The following RRBP1 variants were observed in gnomAD, a reference collection of about 807,000 sequenced individuals.
RRBP1 encodes the protein ribosome binding protein 1, also known as ribosome-binding protein 1.
Under a neutral mutation model 165.2 loss-of-function variants are expected in RRBP1, and 94 were observed. That is an observed-to-expected ratio of 0.57 (90% CI 0.48 to 0.68). The LOEUF (loss-of-function observed/expected upper bound fraction) is 0.68. Among genes scored for constraint, RRBP1 ranks in the 30% least tolerant of loss-of-function variants. The pLI is 0.00. For synonymous variants in RRBP1, 680 were observed against 714.5 expected, an observed-to-expected ratio of 0.95 and a Z score of 0.77; for missense variants, 1,676 against 1,763.0, an observed-to-expected ratio of 0.95 and a Z score of 0.88.
intron 24 of RRBP1, 92 bp downstream of exon 24, chr20:17,614,645 G>A (rs532565543): frequency 5.0e-5 from 76 of 1,516,284 alleles, no homozygotes; most frequent in East Asian, 6.9e-5. Flanking sequence ...GCAGCTTGAC[G>A]ACTCCGCCCA....
At position 17,620,287 on chromosome 20, in the gene RRBP1, C is replaced by T. The variant is rs2035885890; in HGVS notation, c.3579+12G>A. The T allele has an allele frequency of 6.2e-7, 1 of 1,602,834 alleles. No homozygotes were observed. The highest frequency in any genetic ancestry group is 1.3e-5 in the African/African-American group (1 of 74,796). On this transcript the variant is annotated intron_variant, in intron 18 of 24. Coordinates refer to ENST00000377813, the MANE Select transcript of RRBP1 (RefSeq NM_001365613.2). The stretch of plus-strand genomic sequence containing the variant: ...GGGACAAGAGAAAGAGTTCTCTGAG[C>T]AGAGCACATACCTGGTCCGAACTTT...
chr20:17,618,816 C>T (rs2035852641), intron 19 of RRBP1, 137 bp from the exon 20 acceptor site: 1 of 687,212 alleles, frequency 1.5e-6, no homozygotes, highest in Non-Finnish European at 2.6e-6. Flanking sequence ...CAGCATCGGG[C>T]CGGCACAGGG....
chr20:17,679,384 C>CTGT (rs2122524208), intron 2 of RRBP1, among the ~76,000 whole-genome samples: 1 of 152,336 alleles, frequency 6.6e-6, no homozygotes, highest in African/African-American at 2.4e-5. Flanking sequence ...CATGCACAGA[C>CTGT]GGACAGCACA....
intron 22 of RRBP1, 116 bp downstream of exon 22, chr20:17,615,810 G>GCCCAGC: frequency 1.1e-6 from 1 of 929,458 alleles, no homozygotes. Context: ...GAAGGCCCAG[G>GCCCAGC]CCCAGCCCAG....
chr20:17,659,774 G>A lies in RRBP1; in HGVS notation c.734C>T (p.Thr245Ile). ...TTCTGCCTTTTTGCCTTGGTTTGGG[G>A]TTCCCTCTGCCTTTTTCCCTTGGTT... ...TPNQGKKAEG[T>I]PNQGKKAEGT... is the part of the protein sequence containing the mutation. Residue 245 changes from threonine (T) to isoleucine (I), a missense_variant, in exon 3 of 25, where the codon ACC (threonine) becomes ATC (isoleucine). Physicochemically the swap from Thr to Ile is moderately conservative, Grantham distance 89. Transcript: ENST00000377813. 1 of 1,550,500 alleles carries A rather than the reference G, an allele frequency of 6.4e-7. No individual in the cohort carries two copies. Among genetic ancestry groups the A allele is most frequent in the Non-Finnish European group, 8.7e-7 (1 of 1,146,942 alleles).
intron 3 of RRBP1, among the ~76,000 whole-genome samples, chr20:17,644,177 G>C (rs2036420665): frequency 6.6e-6 from 1 of 152,136 alleles, no homozygotes. Context: ...ACCTTAATGA[G>C]GGGAACGTGG....
At chr20:17,623,984 CCAAGCAG>C (rs1262542286) in intron 13 of RRBP1, among the ~76,000 whole-genome samples, 55 of 152,168 alleles carry the variant, frequency 3.6e-4, no homozygotes, top group Admixed American at 1.4e-3. Context: ...CTTCAGAGGC[CCAAGCAG>C]CAGGATTACC....
Position 17,661,858 on chromosome 20 carries a change from T to C in RRBP1, c.-21-1330A>G, listed in dbSNP as rs115193183. ...GATCCCCACTCCTCTTGAGTGGTTA[T>C]AGAGGAAGGAAACAGAGTAGGAATC... is the stretch of plus-strand genomic sequence containing the variant. On this transcript the variant is annotated intron_variant, in intron 2 of 24. Transcript: ENST00000377813. Among the ~76,000 whole-genome samples, 856 of 152,262 alleles carry C rather than the reference T, an allele frequency of 5.6e-3. 7 individuals carry two copies. Among genetic ancestry groups the C allele is most frequent in the African/African-American group, 0.019 (799 of 41,564 alleles).
At position 17,635,563 on chromosome 20, in the gene RRBP1, C is replaced by T. The variant is rs574071853; in HGVS notation, c.2439G>A (p.Thr813=). The change falls in exon 7 of 25, where the codon ACG becomes ACA. Residue 813 remains threonine (T), a synonymous_variant. Transcript: ENST00000377813. ...SILRDALNQA[T]SQVESKQNAE... ...CAGCTTACTTGCTCTCCACCTGGCTCGTGGCCTGGTTCAAGGCATCCCGCA... is the reference window on the plus strand; with the variant it reads ...CAGCTTACTTGCTCTCCACCTGGCTTGTGGCCTGGTTCAAGGCATCCCGCA... 9.3e-6 allele frequency: 15 copies of T among 1,611,578 alleles called. No homozygotes were observed. Among genetic ancestry groups the T allele is most frequent in the Middle Eastern group, 1.7e-4 (1 of 6,018 alleles).
chr20:17,626,524 G>C (rs1432145327), intron 11 of RRBP1, among the ~76,000 whole-genome samples: 2 of 152,232 alleles, frequency 1.3e-5, no homozygotes, highest in East Asian at 3.8e-4. Context: ...TGCTTCTTTG[G>C]TGACGAGGGT....
In RRBP1 at chr20:17,624,636, C is replaced by T. The variant is rs1299144496; in HGVS notation, c.3087G>A (p.Glu1029=). Residue 1029 remains glutamate, a synonymous_variant, in exon 13 of 25, where the codon GAG becomes GAA. Coordinates refer to ENST00000377813, the MANE Select transcript of RRBP1 (RefSeq NM_001365613.2). ...DLREKNWKAM[E]ALATAEQACK... is the part of the protein sequence containing the mutation. ...AGGCCTGCTCGGCCGTGGCCAGTGC[C>T]TCCATGGCCTTCCAGTTCTTCTCCC... 1.9e-6 allele frequency: 3 copies of T among 1,589,352 alleles called. No individual in the cohort carries two copies. The highest frequency in any genetic ancestry group is 1.3e-5 in the African/African-American group (1 of 74,702).
At chr20:17,648,157 C>A (rs947478579) in intron 3 of RRBP1, among the ~76,000 whole-genome samples, 1 of 152,218 alleles carries the variant, frequency 6.6e-6, no homozygotes. Flanking sequence ...AGGGTCCCAC[C>A]CCGAGGTGGG....
intron 3 of RRBP1, among the ~76,000 whole-genome samples, chr20:17,648,980 C>T (rs1244591568): frequency 6.6e-6 from 1 of 152,178 alleles, no homozygotes; most frequent in Non-Finnish European, 1.5e-5. Flanking sequence ...TGACCGGAGT[C>T]CCAGCCTCAA....
chr20:17,661,398 G>A (rs1245662176), intron 2 of RRBP1, among the ~76,000 whole-genome samples: 2 of 152,200 alleles, frequency 1.3e-5, no homozygotes, highest in Non-Finnish European at 2.9e-5. Flanking sequence ...ACATCCAGAA[G>A]CTGCACAGAG....
chr20:17,674,982 C>T (rs2037050422), intron 2 of RRBP1, among the ~76,000 whole-genome samples: 1 of 152,226 alleles, frequency 6.6e-6, no homozygotes, highest in African/African-American at 2.4e-5. Context: ...GTCTCCTCCC[C>T]AGAACTGGTG....
At position 17,654,450 on chromosome 20, in the gene RRBP1, C is replaced by T. The variant is rs146048831; in HGVS notation, c.1912+4146G>A. Reference sequence around the variant, plus strand: ...GGCTTACCAATATGCACTACTGATTCTGTGGAAAAGAAGTAGACTGAATAC... The same window carrying T: ...GGCTTACCAATATGCACTACTGATTTTGTGGAAAAGAAGTAGACTGAATAC... On this transcript the variant is annotated intron_variant, in intron 3 of 24. Coordinates refer to ENST00000377813, the MANE Select transcript of RRBP1 (RefSeq NM_001365613.2). Among the ~76,000 whole-genome samples, 15 of 152,362 alleles carry T rather than the reference C, an allele frequency of 9.8e-5. No homozygotes were observed. In the East Asian group the frequency reaches 2.9e-3, roughly 29 times the overall value.
At chr20:17,627,739 G>T in intron 9 of RRBP1, 57 bp from the exon 10 acceptor site, 1 of 1,498,518 alleles carries the variant, frequency 6.7e-7, no homozygotes, top group African/African-American at 1.4e-5. Flanking sequence ...AGGGGGTGTG[G>T]AGGATGCCCT....
chr20:17,646,393 G>A (rs918786156), intron 3 of RRBP1, among the ~76,000 whole-genome samples: 1 of 152,250 alleles, frequency 6.6e-6, no homozygotes, highest in African/African-American at 2.4e-5. Flanking sequence ...TCCTTGGGCA[G>A]TGGGGCACCA....
chr20:17,626,551 T>C (rs996383106), intron 11 of RRBP1, among the ~76,000 whole-genome samples: 3 of 152,166 alleles, frequency 2.0e-5, no homozygotes, highest in African/African-American at 7.2e-5. Flanking sequence ...AAGGGAACTT[T>C]GTGAACTGAT....
Sources: allele counts gnomAD v4.1 joint callset (sites outside exome capture counted in the v4.1 genomes callset), GRCh38; gene constraint gnomAD v4.1.1; transcripts MANE v1.5; gene names NCBI Gene and HGNC (gene_info 2026-07-23, HGNC 2026-07-21).